TRIM71: variants seen among roughly 807,000 people sequenced by gnomAD.
The protein encoded by TRIM71 is E3 ubiquitin-protein ligase TRIM71.
Under a neutral mutation model 61.2 loss-of-function variants are expected in TRIM71, and 9 were observed. That is an observed-to-expected ratio of 0.15 (90% confidence interval 0.09 to 0.26). The LOEUF is 0.26. TRIM71 is among the 10% of genes least tolerant of loss of function. The probability of loss-of-function intolerance (pLI) is 1.00; values close to 1 mark genes in which losing one functional copy is unlikely to be tolerated. For synonymous variants in TRIM71, 645 were observed against 553.2 expected (o/e 1.17, Z -2.33); for missense variants, 998 against 1,238.7 (o/e 0.81, Z 2.92).
At chr3:32,864,606 A>G (rs921903091) in intron 1 of TRIM71, among the ~76,000 whole-genome samples, 1 of 152,354 alleles carries the variant, frequency 6.6e-6, no homozygotes. Context: ...TTTGAAAGGC[A>G]GGATGCAGGA....
chr3:32,837,902 T>G (rs891551081), intron 1 of TRIM71, among the ~76,000 whole-genome samples: 1 of 152,220 alleles, frequency 6.6e-6, no homozygotes, highest in Non-Finnish European at 1.5e-5. Flanking sequence ...AGACATTTGC[T>G]GTTTCAGGGC....
At chr3:32,885,888 GAC>G in intron 2 of TRIM71, 44 bp from the exon 3 acceptor site, 1 of 1,592,400 alleles carries the variant, frequency 6.3e-7, no homozygotes, top group Non-Finnish European at 8.5e-7. Context: ...TATAAGGAAT[GAC>G]AGTCCTTCTA....
At chr3:32,838,823 C>T (rs899631292) in intron 1 of TRIM71, among the ~76,000 whole-genome samples, 3 of 151,190 alleles carry the variant, frequency 2.0e-5, no homozygotes, top group Non-Finnish European at 2.9e-5. Flanking sequence ...TTTGTTGAGA[C>T]GAGGTCTCGC....
At position 32,894,529 on chromosome 3, in the gene TRIM71, C is replaced by T. The variant is rs1459841860; in HGVS notation, c.*2718C>T. On this transcript the variant is annotated 3_prime_UTR_variant, in exon 4 of 4. Coordinates refer to ENST00000383763, the MANE Select transcript of TRIM71 (RefSeq NM_001039111.3). Reference sequence around the variant, plus strand: ...AGGTCAGAGATACTACCTCTTTGTCCTCAGTGGTGGTATATCTATCTCCTT... The same window carrying T: ...AGGTCAGAGATACTACCTCTTTGTCTTCAGTGGTGGTATATCTATCTCCTT... 6.6e-6 allele frequency: 1 copy of T among 152,062 alleles called. No homozygotes were observed. Among genetic ancestry groups the T allele is most frequent in the Non-Finnish European group, 1.5e-5 (1 of 67,998 alleles). 9.4% of individuals were successfully genotyped at this position (152,062 alleles called of 1,614,324 possible).
chr3:32,829,168 TTTTTCTTTTTTC>T lies in TRIM71; in HGVS notation c.852+10248_852+10259del, dbSNP rs1294231935. Among the ~76,000 whole-genome samples the T allele has an allele frequency of 1.6e-3, 244 of 150,012 alleles. 1 individual carries two copies. Among genetic ancestry groups the T allele is most frequent in the Middle Eastern group, 6.8e-3 (2 of 292 alleles). ...ACCGCCATGCCTGGATAATTTTCTT[TTTTTCTTTTTTC>T]TTTTCTTTTTTTTTTTTTTTTGAGA... On this transcript the variant is annotated intron_variant, in intron 1 of 3. Coordinates refer to ENST00000383763, the MANE Select transcript of TRIM71 (RefSeq NM_001039111.3).
rs1246442671 is a variant in TRIM71, at chr3:32,865,310, C to T, written c.853-8508C>T. ...CACCACTGCAGTCCAGCGTAGGGGA[C>T]AGAGCAAGATTCCATCTCAAAAAAA... On this transcript the variant is annotated intron_variant, in intron 1 of 3. Coordinates refer to ENST00000383763, the MANE Select transcript of TRIM71 (RefSeq NM_001039111.3). 6.8e-4 allele frequency among the ~76,000 whole-genome samples: 103 copies of T among 151,990 alleles called. 1 individual carries two copies. The highest frequency in any genetic ancestry group is 6.7e-3 in the Admixed American group (102 of 15,246).
intron 1 of TRIM71, among the ~76,000 whole-genome samples, chr3:32,828,499 A>G (rs1002543027): frequency 6.4e-5 from 9 of 141,666 alleles, no homozygotes; most frequent in Admixed American, 4.9e-4. Context: ...AGGCAATTGT[A>G]AACTTTTTTT....
intron 1 of TRIM71, among the ~76,000 whole-genome samples, chr3:32,871,796 C>G (rs1027286246): frequency 6.6e-6 from 1 of 152,316 alleles, no homozygotes; most frequent in South Asian, 2.1e-4. Context: ...CAAAGCACTG[C>G]AGTGATCAAA....
intron 1 of TRIM71, among the ~76,000 whole-genome samples, chr3:32,844,218 G>T (rs1696445191): frequency 6.6e-6 from 1 of 152,092 alleles, no homozygotes; most frequent in African/African-American, 2.4e-5. Flanking sequence ...ACTGGGGTGG[G>T]GCTCAAATTT....
At chr3:32,830,334 G>A (rs1055825071) in intron 1 of TRIM71, among the ~76,000 whole-genome samples, 9 of 152,166 alleles carry the variant, frequency 5.9e-5, no homozygotes, top group Non-Finnish European at 1.2e-4. Context: ...CAAAAACTGA[G>A]TATAACCATC....
intron 1 of TRIM71, among the ~76,000 whole-genome samples, chr3:32,829,960 G>A (rs1696251407): frequency 9.2e-6 from 1 of 109,200 alleles, no homozygotes; most frequent in South Asian, 3.0e-4. Context: ...ATGGAGTCTT[G>A]CTCTGTCGCC....
Position 32,818,474 on chromosome 3 carries a change from C to T in TRIM71, c.394C>T (p.Pro132Ser). The change falls in exon 1 of 4, where the codon CCC becomes TCC. Residue 132 changes from proline to serine, a missense_variant. This residue lies in a region of TRIM71 where 527 missense variants were observed against 427.8 expected (regional missense o/e 1.23). Coordinates refer to ENST00000383763, the MANE Select transcript of TRIM71 (RefSeq NM_001039111.3). ...GGTGGCCACTGCCGACGAGCCGCCG[C>T]CCAAGAACGGGCGCGCCGGCGCTCC... Reference protein sequence around the residue: ...AVVATADEPPPKNGRAGAPAG... With the variant: ...AVVATADEPPSKNGRAGAPAG... 1 of 1,449,178 alleles carries T rather than the reference C, an allele frequency of 6.9e-7. No homozygotes were observed. Among genetic ancestry groups the T allele is most frequent in the Non-Finnish European group, 9.0e-7 (1 of 1,105,486 alleles). 89.8% of individuals were successfully genotyped at this position (1,449,178 alleles called of 1,614,324 possible).
chr3:32,870,823 G>A (rs1016191341), intron 1 of TRIM71, among the ~76,000 whole-genome samples: 5 of 152,168 alleles, frequency 3.3e-5, no homozygotes, highest in African/African-American at 1.2e-4. Context: ...TTCTGTTGTT[G>A]TTGTTTGTTT....
At chr3:32,875,561 A>T (rs1235715272) in intron 2 of TRIM71, among the ~76,000 whole-genome samples, 1 of 152,258 alleles carries the variant, frequency 6.6e-6, no homozygotes, top group Admixed American at 6.5e-5. Context: ...GATTCTGGCC[A>T]GGTTCAGTGG....
At chr3:32,874,124 A>C in intron 2 of TRIM71, 139 bp downstream of exon 2, 1 of 851,184 alleles carries the variant, frequency 1.2e-6, no homozygotes, top group East Asian at 2.7e-5. Flanking sequence ...ACATCCCTGC[A>C]GCAGCGGTCC....
chr3:32,889,886 A>ATGTGTG (rs531388047), intron 3 of TRIM71, among the ~76,000 whole-genome samples: 1 of 144,770 alleles, frequency 6.9e-6, no homozygotes, highest in African/African-American at 2.5e-5. Flanking sequence ...GCGTGCGTGT[A>ATGTGTG]TGTGTGTGTG....
chr3:32,819,547 T>G (rs1416095440), intron 1 of TRIM71, among the ~76,000 whole-genome samples: 1 of 152,166 alleles, frequency 6.6e-6, no homozygotes, highest in African/African-American at 2.4e-5. Context: ...GGAGCGTCTG[T>G]GGATCTTTGA....
rs765463660 is a variant in TRIM71 at position 32,818,947 on chromosome 3, G to T, written c.852+15G>T. The T allele has an allele frequency of 6.2e-7, 1 of 1,608,974 alleles. No homozygotes were observed. The highest frequency in any genetic ancestry group is 8.5e-7 in the Non-Finnish European group (1 of 1,178,750). ...ACGACGACGAGGTGAGTGCGTGGGG[G>T]CGTGTGTTTGTGTCCATCGGATAAC... is the stretch of plus-strand genomic sequence containing the variant. On this transcript the variant is annotated intron_variant, in intron 1 of 3. Transcript: ENST00000383763.
At chr3:32,834,189 A>C (rs1363992072) in intron 1 of TRIM71, among the ~76,000 whole-genome samples, 1 of 152,204 alleles carries the variant, frequency 6.6e-6, no homozygotes, top group Non-Finnish European at 1.5e-5. Context: ...TTTTAAACTG[A>C]AGTTTGGTAG....
Sources: allele counts gnomAD v4.1 joint callset (sites outside exome capture counted in the v4.1 genomes callset), GRCh38; gene constraint gnomAD v4.1.1; regional missense constraint gnomAD v4.1.1; transcripts MANE v1.5; gene names NCBI Gene and HGNC (gene_info 2026-07-23, HGNC 2026-07-21).